MYRIP: variants seen among roughly 807,000 people sequenced by gnomAD.
MYRIP encodes the protein rab effector MyRIP.
In MYRIP, 49 loss-of-function variants were observed where a neutral mutation model predicts 98.0. The observed-to-expected ratio is 0.50, with a 90% confidence interval of 0.40 to 0.63. The LOEUF (loss-of-function observed/expected upper bound fraction) is 0.63, where lower values mean the gene tolerates loss of function less well. MYRIP is among the 30% of genes least tolerant of loss of function. The pLI, the probability that MYRIP is intolerant of heterozygous loss-of-function variation, is 0.00. For synonymous variants in MYRIP, 404 were observed against 409.5 expected, an observed-to-expected ratio of 0.99 and a Z score of 0.16; for missense variants, 1,004 against 1,058.2, an observed-to-expected ratio of 0.95 and a Z score of 0.71.
At chr3:39,938,881 C>T (rs1944718050) in intron 2 of MYRIP, among the ~76,000 whole-genome samples, 1 of 152,162 alleles carries the variant, frequency 6.6e-6, no homozygotes, top group African/African-American at 2.4e-5. Context: ...AGGTGCCTAA[C>T]ATTCTACATC....
chr3:40,049,759 G>C (rs1947750244), intron 3 of MYRIP, among the ~76,000 whole-genome samples: 1 of 152,128 alleles, frequency 6.6e-6, no homozygotes, highest in Non-Finnish European at 1.5e-5. Context: ...CAATTAGCCA[G>C]GTTGTGAATG....
At chr3:39,896,890 A>T in intron 1 of MYRIP, among the ~76,000 whole-genome samples, 1 of 151,914 alleles carries the variant, frequency 6.6e-6, no homozygotes, top group Non-Finnish European at 1.5e-5. Flanking sequence ...GGGTTGTATT[A>T]ACCAGTACCT....
At chr3:40,246,430 T>C (rs1218237276) in intron 13 of MYRIP, among the ~76,000 whole-genome samples, 3 of 152,236 alleles carry the variant, frequency 2.0e-5, no homozygotes, top group Non-Finnish European at 4.4e-5. Context: ...TCAGTAAATC[T>C]GTGCTTTACA....
At chr3:39,878,188 G>A (rs1484516472) in intron 1 of MYRIP, among the ~76,000 whole-genome samples, 2 of 152,192 alleles carry the variant, frequency 1.3e-5, no homozygotes, top group Non-Finnish European at 2.9e-5. Context: ...CGTTTTTTAG[G>A]CCTGTCGGAG....
At chr3:39,812,953 C>T (rs769492067) in intron 1 of MYRIP, among the ~76,000 whole-genome samples, 2 of 152,182 alleles carry the variant, frequency 1.3e-5, no homozygotes, top group African/African-American at 2.4e-5. Flanking sequence ...ATGAAGATGG[C>T]CGTGGGATGG....
Position 39,878,178 on chromosome 3 carries a change from C to T in MYRIP, c.-30-22609C>T, listed in dbSNP as rs1401610467. Among the ~76,000 whole-genome samples, 8 of 152,298 alleles carry T rather than the reference C, an allele frequency of 5.3e-5. No homozygotes were observed. The East Asian group carries it at 1.2e-3, about 22-fold the overall frequency. ...TGCGGGATATAATCTCCTGGTGTGC[C>T]GTTTTTTAGGCCTGTCGGAGAAGCG... On this transcript the variant is annotated intron_variant, in intron 1 of 16. Coordinates refer to ENST00000302541, the MANE Select transcript of MYRIP (RefSeq NM_015460.4).
chr3:40,005,915 C>G (rs941262445), intron 2 of MYRIP, among the ~76,000 whole-genome samples: 1 of 152,080 alleles, frequency 6.6e-6, no homozygotes, highest in Non-Finnish European at 1.5e-5. Context: ...AATTCAGGTG[C>G]TTTGAGAGTC....
intron 2 of MYRIP, among the ~76,000 whole-genome samples, chr3:39,975,757 C>T (rs1049824673): frequency 6.6e-6 from 1 of 152,128 alleles, no homozygotes; most frequent in Non-Finnish European, 1.5e-5. Flanking sequence ...AAGCTACAAC[C>T]ATCTGATCTT....
chr3:39,998,923 G>A (rs1398633340), intron 2 of MYRIP, among the ~76,000 whole-genome samples: 1 of 152,148 alleles, frequency 6.6e-6, no homozygotes, highest in Admixed American at 6.5e-5. Flanking sequence ...ACAAGCAATG[G>A]GGAAAGGATT....
intron 2 of MYRIP, among the ~76,000 whole-genome samples, chr3:39,934,906 C>G (rs971811819): frequency 6.6e-6 from 1 of 152,156 alleles, no homozygotes; most frequent in African/African-American, 2.4e-5. Context: ...TACCTCCCCT[C>G]TAGTCCCACA....
intron 2 of MYRIP, among the ~76,000 whole-genome samples, chr3:39,909,837 G>T (rs1401838957): frequency 6.6e-6 from 1 of 152,100 alleles, no homozygotes; most frequent in Non-Finnish European, 1.5e-5. Context: ...GGGGTTCCAG[G>T]AATATCATCT....
Position 39,900,814 on chromosome 3 carries a change from A to G in MYRIP, c.-3A>G. 6.2e-7 allele frequency: 1 copy of G among 1,612,636 alleles called. No individual in the cohort carries two copies. On this transcript the variant is annotated 5_prime_UTR_variant, in exon 2 of 17. The change abolishes the stop of an existing upstream ORF in the 5' untranslated region. Transcript: ENST00000302541. Reference sequence around the variant, plus strand: ...CTTGTTTCATCATCTGTGTTGAGTAACCATGGGGAGGAAGCTGGACCTGTC... The same window carrying G: ...CTTGTTTCATCATCTGTGTTGAGTAGCCATGGGGAGGAAGCTGGACCTGTC...
chr3:40,141,790 C>T (rs960847019), intron 3 of MYRIP, among the ~76,000 whole-genome samples: 1 of 152,136 alleles, frequency 6.6e-6, no homozygotes, highest in Non-Finnish European at 1.5e-5. Flanking sequence ...TTCTACTCTG[C>T]TCTATTGGTT....
At chr3:40,027,583 A>G (rs1282021091) in intron 2 of MYRIP, among the ~76,000 whole-genome samples, 1 of 152,060 alleles carries the variant, frequency 6.6e-6, no homozygotes, top group East Asian at 1.9e-4. Flanking sequence ...GTAGGTCCTG[A>G]TGTTATCTTC....
intron 1 of MYRIP, among the ~76,000 whole-genome samples, chr3:39,841,164 C>G (rs1331781494): frequency 6.6e-6 from 1 of 151,930 alleles, no homozygotes; most frequent in East Asian, 1.9e-4. Context: ...CCTTTTCATT[C>G]TTATTCTGTA....
At chr3:39,872,808 G>C (rs1553640993) in intron 1 of MYRIP, among the ~76,000 whole-genome samples, 1 of 152,138 alleles carries the variant, frequency 6.6e-6, no homozygotes, top group Non-Finnish European at 1.5e-5. Context: ...ACGTCTGTAT[G>C]TGTCTTTATA....
rs1948616631 is a variant in MYRIP at position 40,085,938 on chromosome 3, T to C, written c.332+41667T>C. Among the ~76,000 whole-genome samples, 4 of 152,298 alleles carry C rather than the reference T, an allele frequency of 2.6e-5. No individual in the cohort carries two copies. In the South Asian group the frequency reaches 8.3e-4, roughly 32 times the overall value. ...CTAAATGAAAATAAGGTTTTCATACTTCACTCAAAGTGGAAAAATGTACAC... is the reference window on the plus strand; with the variant it reads ...CTAAATGAAAATAAGGTTTTCATACCTCACTCAAAGTGGAAAAATGTACAC... On this transcript the variant is annotated intron_variant, in intron 3 of 16. Coordinates refer to ENST00000302541, the MANE Select transcript of MYRIP (RefSeq NM_015460.4).
rs530242703 is a variant in MYRIP at position 40,167,407 on chromosome 3, G to A, written c.729+168G>A. On this transcript the variant is annotated intron_variant, in intron 7 of 16. Coordinates refer to ENST00000302541, the MANE Select transcript of MYRIP (RefSeq NM_015460.4). ...GGGACCCATGCAGAGGGAATGCATC[G>A]CACTGCTTGCTTGCTTTGCAGTCAC... Among the ~76,000 whole-genome samples the A allele has an allele frequency of 3.3e-5, 5 of 152,256 alleles. No homozygotes were observed. The South Asian group carries it at 1.0e-3, about 32-fold the overall frequency.
intron 2 of MYRIP, among the ~76,000 whole-genome samples, chr3:39,976,027 ACAAAAGC>A (rs1404951915): frequency 3.9e-5 from 6 of 152,372 alleles, no homozygotes; most frequent in Non-Finnish European, 7.3e-5. Flanking sequence ...AGCAATGGCA[ACAAAAGC>A]CAAAATTGAC....
Sources: gnomAD v4.1 joint callset for allele counts (sites outside exome capture counted in the v4.1 genomes callset) on GRCh38, gnomAD v4.1.1 for gene constraint, MANE v1.5 for transcripts, NCBI Gene and HGNC (gene_info 2026-07-23, HGNC 2026-07-21) for gene names.